The following DLG1 variants were observed in gnomAD, a reference collection of about 807,000 sequenced individuals.
The protein encoded by DLG1 is discs large MAGUK scaffold protein 1, also known as disks large homolog 1.
A neutral mutation model predicts 123.4 loss-of-function variants in DLG1; 42 were observed. The ratio of observed to expected loss-of-function variants is 0.34; its 90% CI spans 0.27 to 0.44. The LOEUF (loss-of-function observed/expected upper bound fraction) is 0.44, where lower values mean the gene tolerates loss of function less well. DLG1 is among the 20% of genes least tolerant of loss of function. DLG1 has a pLI of 1.00. For missense variants in DLG1, 942 were observed against 1,082.6 expected (o/e 0.87, Z 1.82); for synonymous variants, 317 against 356.2 (o/e 0.89, Z 1.24).
At chr3:197,184,233 T>C (rs1714394465) in intron 5 of DLG1, 3 of 492,724 alleles carry the variant, frequency 6.1e-6, no homozygotes, top group Non-Finnish European at 8.0e-6. Context: ...CCTGATTTAA[T>C]GCACTGCGTG....
At chr3:197,106,759 A>G (rs2149325508) in intron 13 of DLG1, among the ~76,000 whole-genome samples, 1 of 152,346 alleles carries the variant, frequency 6.6e-6, no homozygotes, top group East Asian at 1.9e-4. Flanking sequence ...TCAATTGAAG[A>G]TACATTATTA....
intron 4 of DLG1, among the ~76,000 whole-genome samples, chr3:197,240,012 A>C (rs1180206810): frequency 6.6e-6 from 1 of 152,130 alleles, no homozygotes; most frequent in Non-Finnish European, 1.5e-5. Context: ...CTTCCCCATC[A>C]TCTAATGTTC....
chr3:197,056,242 G>A (rs535098061), intron 23 of DLG1, among the ~76,000 whole-genome samples: 1 of 152,242 alleles, frequency 6.6e-6, no homozygotes, highest in South Asian at 2.1e-4. Flanking sequence ...TTCCTACTCT[G>A]CCATCTTCCC....
At chr3:197,191,658 A>G (rs775138159) in intron 5 of DLG1, among the ~76,000 whole-genome samples, 34 of 152,224 alleles carry the variant, frequency 2.2e-4, no homozygotes, top group Non-Finnish European at 3.8e-4. Context: ...AATCAAGATA[A>G]AAGCAGGCTG....
chr3:197,144,973 T>C (rs916485836), intron 6 of DLG1, among the ~76,000 whole-genome samples: 7 of 152,108 alleles, frequency 4.6e-5, no homozygotes, highest in Non-Finnish European at 2.9e-5. Flanking sequence ...CATGCCACCA[T>C]GCCTGGCTGT....
intron 5 of DLG1, among the ~76,000 whole-genome samples, chr3:197,172,582 C>A (rs535934463): frequency 6.6e-6 from 1 of 152,088 alleles, no homozygotes; most frequent in South Asian, 2.1e-4. Context: ...CAAAAGAAAT[C>A]AACTTAATCA....
chr3:197,278,282 C>CAAAAAAA (rs71164203), intron 4 of DLG1, among the ~76,000 whole-genome samples: 3 of 37,496 alleles, frequency 8.0e-5, no homozygotes, highest in Non-Finnish European at 1.3e-4. Context: ...GACTCTGTCC[C>CAAAAAAA]AAAAAAAAAA....
At chr3:197,287,037 TA>T (rs1579395410) in intron 3 of DLG1, among the ~76,000 whole-genome samples, 2 of 152,032 alleles carry the variant, frequency 1.3e-5, no homozygotes, top group African/African-American at 2.4e-5. Context: ...CATGCCTGGT[TA>T]AATTTTTTTT....
At chr3:197,085,786 C>A in intron 15 of DLG1, 30 bp from the exon 16 acceptor site, 1 of 1,589,838 alleles carries the variant, frequency 6.3e-7, no homozygotes. Context: ...AGTCCATAAT[C>A]ACTTGTTATA....
chr3:197,186,157 G>A (rs1272974492), intron 5 of DLG1, among the ~76,000 whole-genome samples: 1 of 152,168 alleles, frequency 6.6e-6, no homozygotes, highest in Non-Finnish European at 1.5e-5. Context: ...CCATTGGCCA[G>A]TAGTCAGTAT....
At chr3:197,244,063 A>T (rs1750343935) in intron 4 of DLG1, among the ~76,000 whole-genome samples, 1 of 152,202 alleles carries the variant, frequency 6.6e-6, no homozygotes, top group Non-Finnish European at 1.5e-5. Flanking sequence ...GGGATGAATA[A>T]GGGGAGACTG....
chr3:197,282,848 A>G lies in DLG1; in HGVS notation c.152-3T>C. The G allele has an allele frequency of 6.7e-7, 1 of 1,482,908 alleles. No homozygotes were observed. Among genetic ancestry groups the G allele is most frequent in the Non-Finnish European group, 9.2e-7 (1 of 1,087,860 alleles). 91.9% of individuals were successfully genotyped at this position (1,482,908 alleles called of 1,614,324 possible). ...CACTTCATAAAATTCTTGAATATCT[A>G]GAAGAAGGAAAATAAAAATTCATAA... On this transcript the variant is annotated splice_polypyrimidine_tract_variant and splice_region_variant and intron_variant, in intron 3 of 24. Transcript: ENST00000667157.
chr3:197,085,582 G>A lies in DLG1; in HGVS notation c.1836C>T (p.Arg612=). 6.2e-7 allele frequency: 1 copy of A among 1,613,760 alleles called. No individual in the cohort carries two copies. The highest frequency in any genetic ancestry group is 1.1e-5 in the South Asian group (1 of 91,064). ...CAAGTGGTAAGAAACAGGCATACCT[G>A]CGTTTACTGGGAATCACTCCGACCT... is the stretch of plus-strand genomic sequence containing the variant. ...SDEVGVIPSK[R]RVEKKERARL... Residue 612 remains arginine, a splice_region_variant and synonymous_variant, in exon 16 of 25, where the codon CGC becomes CGT. Coordinates refer to ENST00000667157, the MANE Select transcript of DLG1 (RefSeq NM_001366207.1).
rs557110790 is a variant in DLG1 at position 197,201,499 on chromosome 3, T to C, written c.319-6910A>G. 1.1e-3 allele frequency among the ~76,000 whole-genome samples: 167 copies of C among 152,218 alleles called. 2 individuals carry two copies. Among genetic ancestry groups the C allele is most frequent in the Non-Finnish European group, 2.1e-3 (144 of 68,034 alleles). On this transcript the variant is annotated intron_variant, in intron 4 of 24. Coordinates refer to ENST00000667157, the MANE Select transcript of DLG1 (RefSeq NM_001366207.1). The stretch of plus-strand genomic sequence containing the variant: ...GAAATCAATGTACAGAAATCAGTAG[T>C]GTTCCTATCCACCAATAATGATCTG...
chr3:197,090,502 A>C (rs980302553), intron 15 of DLG1, among the ~76,000 whole-genome samples: 1 of 152,110 alleles, frequency 6.6e-6, no homozygotes, highest in African/African-American at 2.4e-5. Context: ...TATTATTTAC[A>C]TATGCCTCCT....
intron 11 of DLG1, among the ~76,000 whole-genome samples, chr3:197,127,458 ATATATATATATAT>A (rs1182084751): frequency 1.0e-4 from 1 of 9,758 alleles, no homozygotes; most frequent in African/African-American, 4.5e-4. Flanking sequence ...AAAAAAAAAA[ATATATATATATAT>A]ATATATATAT....
intron 5 of DLG1, chr3:197,183,616 T>A: frequency 6.4e-7 from 1 of 1,550,496 alleles, no homozygotes; most frequent in East Asian, 2.4e-5. Context: ...TCAATAAAGC[T>A]GTGTCTTCGA....
chr3:197,192,919 G>C (rs1720440177), intron 5 of DLG1, among the ~76,000 whole-genome samples: 1 of 152,016 alleles, frequency 6.6e-6, no homozygotes, highest in Admixed American at 6.6e-5. Context: ...ATATGCTATA[G>C]ATATTAAAAG....
intron 4 of DLG1, among the ~76,000 whole-genome samples, chr3:197,276,943 G>C (rs2151098276): frequency 6.6e-6 from 1 of 152,038 alleles, no homozygotes; most frequent in South Asian, 2.1e-4. Context: ...CCAGGCTGGA[G>C]TGCGGTGGTA....
Sources: gnomAD v4.1 joint callset for allele counts (sites outside exome capture counted in the v4.1 genomes callset) on GRCh38, gnomAD v4.1.1 for gene constraint, MANE v1.5 for transcripts, NCBI Gene and HGNC (gene_info 2026-07-23, HGNC 2026-07-21) for gene names.